The following SYNJ1 variants were observed in gnomAD, a reference collection of about 807,000 sequenced individuals.
SYNJ1 encodes the protein polyphosphatidylinositol phosphatase SYNJ1.
SYNJ1 carries 78 observed loss-of-function variants against 168.2 expected under a neutral mutation model. That is an observed-to-expected ratio of 0.46 (90% CI 0.39 to 0.56). The LOEUF (loss-of-function observed/expected upper bound fraction) is 0.56. Among genes scored for constraint, SYNJ1 ranks in the 20% least tolerant of loss-of-function variants. The probability of loss-of-function intolerance (pLI) is 0.00; values close to 1 mark genes in which losing one functional copy is unlikely to be tolerated. For synonymous variants in SYNJ1, 539 were observed against 548.6 expected, an observed-to-expected ratio of 0.98 and a Z score of 0.24; for missense variants, 1,303 against 1,597.6, an observed-to-expected ratio of 0.82 and a Z score of 3.14.
intron 6 of SYNJ1, among the ~76,000 whole-genome samples, chr21:32,692,253 G>A (rs2042051940): frequency 6.6e-6 from 1 of 152,142 alleles, no homozygotes. Flanking sequence ...AGAAGTTCTT[G>A]ACTTTGAGTG....
intron 2 of SYNJ1, among the ~76,000 whole-genome samples, chr21:32,720,486 T>C (rs2043181127): frequency 6.6e-6 from 1 of 152,216 alleles, no homozygotes; most frequent in Admixed American, 6.5e-5. Flanking sequence ...TTGAGTATTA[T>C]ATATAGTATT....
rs779426150 is a variant in SYNJ1 at position 32,700,006 on chromosome 21, A to G, written c.311T>C (p.Ile104Thr). 1 of 1,614,240 alleles carries G rather than the reference A, an allele frequency of 6.2e-7. No individual in the cohort carries two copies. The highest frequency in any genetic ancestry group is 1.7e-5 in the Admixed American group (1 of 60,034). The stretch of plus-strand genomic sequence containing the variant: ...ATCTGAAGAATCGATTCGCAGTGAT[A>G]TAAACTCAGTGGAAGTAACTCGGAA... ...EVFRVTSTEF[I>T]SLRIDSSDED... Residue 104 changes from isoleucine to threonine, a missense_variant, in exon 4 of 33, where the codon ATA (isoleucine) becomes ACA (threonine). Transcript: ENST00000674351.
Position 32,631,411 on chromosome 21 carries a change from C to T in SYNJ1, c.*394G>A, listed in dbSNP as rs1220669120. On this transcript the variant is annotated 3_prime_UTR_variant, in exon 33 of 33. Coordinates refer to ENST00000674351, the MANE Select transcript of SYNJ1 (RefSeq NM_203446.3). ...AGAGAAGGGAAAGGACTGATAGTAACGGGCTCTTCTTTGGAGAACCATGAA... is the reference window on the plus strand; with the variant it reads ...AGAGAAGGGAAAGGACTGATAGTAATGGGCTCTTCTTTGGAGAACCATGAA... 7.4e-6 allele frequency: 12 copies of T among 1,614,020 alleles called. No homozygotes were observed. The highest frequency in any genetic ancestry group is 2.2e-5 in the East Asian group (1 of 44,898).
In SYNJ1 at chr21:32,645,626, TG is replaced by T; in HGVS notation, c.3391+19del. On this transcript the variant is annotated intron_variant, in intron 25 of 32. Coordinates refer to ENST00000674351, the MANE Select transcript of SYNJ1 (RefSeq NM_203446.3). ...TGAAGAATTTTACATCTAGCAGAAA[TG>T]GAAATAAAAGGTTGTCACCTGAAGG... 1 of 1,512,956 alleles carries T rather than the reference TG, an allele frequency of 6.6e-7. No individual in the cohort carries two copies. The highest frequency in any genetic ancestry group is 2.4e-5 in the East Asian group (1 of 41,414). 93.7% of individuals were successfully genotyped at this position (1,512,956 alleles called of 1,614,324 possible). A position where few individuals can be genotyped will look rare whatever the true frequency, so the allele number is the denominator to read the frequency against.
Position 32,631,760 on chromosome 21 carries a change from T to C in SYNJ1, c.*45A>G. 1.2e-6 allele frequency: 2 copies of C among 1,613,664 alleles called. No individual in the cohort carries two copies. Among genetic ancestry groups the C allele is most frequent in the Non-Finnish European group, 1.7e-6 (2 of 1,179,780 alleles). On this transcript the variant is annotated 3_prime_UTR_variant, in exon 33 of 33. Coordinates refer to ENST00000674351, the MANE Select transcript of SYNJ1 (RefSeq NM_203446.3). ...GATCTTCAAATGGGTCAATCTTTAA[T>C]GGTGATTCTCTTTTGCCATCAGAGA...
chr21:32,713,263 GATGATTTCCCAT>G (rs2042896600), intron 2 of SYNJ1, among the ~76,000 whole-genome samples: 1 of 145,996 alleles, frequency 6.8e-6, no homozygotes, highest in Non-Finnish European at 1.5e-5. Flanking sequence ...TATCAACATG[GATGATTTCCCAT>G]ATGTCAACAT....
intron 22 of SYNJ1, among the ~76,000 whole-genome samples, chr21:32,651,500 G>T (rs760976159): frequency 6.6e-6 from 1 of 152,190 alleles, no homozygotes; most frequent in Non-Finnish European, 1.5e-5. Context: ...TTGCCAAGTA[G>T]ATATGAGTAC....
intron 18 of SYNJ1, among the ~76,000 whole-genome samples, chr21:32,661,711 T>C (rs1031879187): frequency 6.6e-6 from 1 of 152,176 alleles, no homozygotes; most frequent in Non-Finnish European, 1.5e-5. Context: ...AGGATTAAAA[T>C]GGATACAGGC....
At chr21:32,702,129 T>C (rs1310181864) in intron 2 of SYNJ1, 82 bp from the exon 3 acceptor site, 2 of 987,074 alleles carry the variant, frequency 2.0e-6, no homozygotes, top group South Asian at 1.9e-5. Flanking sequence ...AGAGTTTCAA[T>C]CAAAAGTTTC....
chr21:32,672,059 C>CA (rs1160074724), intron 14 of SYNJ1, among the ~76,000 whole-genome samples: 559 of 24,514 alleles, frequency 0.023, 8 homozygotes, highest in African/African-American at 0.036. Flanking sequence ...AACTCAATCT[C>CA]AAAAAAAAAA....
At chr21:32,707,054 C>T (rs1231498795) in intron 2 of SYNJ1, among the ~76,000 whole-genome samples, 3 of 152,066 alleles carry the variant, frequency 2.0e-5, no homozygotes, top group Non-Finnish European at 4.4e-5. Context: ...ACATGTTCCA[C>T]ATTCTCTTCC....
intron 1 of SYNJ1, chr21:32,727,712 C>T: frequency 2.1e-6 from 2 of 930,376 alleles, no homozygotes; most frequent in Non-Finnish European, 3.0e-6. Flanking sequence ...GGTTCGTTCC[C>T]GCGGGCGGGC....
At chr21:32,678,476 T>A (rs2041497036) in intron 12 of SYNJ1, among the ~76,000 whole-genome samples, 169 bp downstream of exon 12, 2 of 152,166 alleles carry the variant, frequency 1.3e-5, no homozygotes, top group South Asian at 4.1e-4. Flanking sequence ...GTACAAATAT[T>A]TTAAAACAGA....
intron 27 of SYNJ1, among the ~76,000 whole-genome samples, chr21:32,642,801 G>C (rs971694438): frequency 1.3e-5 from 2 of 152,208 alleles, no homozygotes; most frequent in Non-Finnish European, 2.9e-5. Context: ...AAAGGAGTAG[G>C]AGTGACTATC....
chr21:32,657,893 G>A, intron 18 of SYNJ1, 21 bp from the exon 19 acceptor site: 1 of 1,594,634 alleles, frequency 6.3e-7, no homozygotes, highest in East Asian at 2.2e-5. Flanking sequence ...CATATACAAA[G>A]TAAGTTATTC....
intron 9 of SYNJ1, among the ~76,000 whole-genome samples, chr21:32,685,437 A>AAT (rs1555902098): frequency 2.0e-5 from 3 of 148,550 alleles, no homozygotes; most frequent in Non-Finnish European, 4.5e-5. Flanking sequence ...AAAAAAAAAA[A>AAT]AAAAAAAAAA....
At chr21:32,711,741 A>T (rs2042838507) in intron 2 of SYNJ1, among the ~76,000 whole-genome samples, 1 of 152,210 alleles carries the variant, frequency 6.6e-6, no homozygotes, top group African/African-American at 2.4e-5. Flanking sequence ...ATTAGGATCA[A>T]ATATAAAAAT....
chr21:32,684,153 A>G (rs1381016789), intron 9 of SYNJ1, 34 bp from the exon 10 acceptor site: 1 of 1,596,046 alleles, frequency 6.3e-7, no homozygotes, highest in Non-Finnish European at 8.6e-7. Flanking sequence ...CCAGTTTGGA[A>G]CAAAAATAAA....
At chr21:32,634,943 C>T in intron 31 of SYNJ1, 59 bp from the exon 32 acceptor site, 1 of 1,576,500 alleles carries the variant, frequency 6.3e-7, no homozygotes, top group Non-Finnish European at 8.7e-7. Flanking sequence ...CGAGATCAAC[C>T]AGCAACCCTA....
Sources: gnomAD v4.1 joint callset for allele counts (sites outside exome capture counted in the v4.1 genomes callset) on GRCh38, gnomAD v4.1.1 for gene constraint, MANE v1.5 for transcripts, NCBI Gene and HGNC (gene_info 2026-07-23, HGNC 2026-07-21) for gene names.